VEPH1: variants seen among roughly 807,000 people sequenced by gnomAD.
VEPH1 encodes ventricular zone expressed PH domain containing 1, also known as ventricular zone-expressed PH domain-containing protein homolog 1.
A neutral mutation model predicts 85.2 loss-of-function variants in VEPH1; 80 were observed. That is an observed-to-expected ratio of 0.94 (90% CI 0.78 to 1.13). The LOEUF (loss-of-function observed/expected upper bound fraction) is 1.13. VEPH1 is among the 50% of genes most tolerant of loss of function. VEPH1 has a pLI of 0.00. For synonymous variants in VEPH1, 297 were observed against 348.0 expected, an observed-to-expected ratio of 0.85 and a Z score of 1.63; for missense variants, 955 against 980.5, an observed-to-expected ratio of 0.97 and a Z score of 0.35.
At chr3:157,395,260 G>T (rs1730254773) in intron 6 of VEPH1, among the ~76,000 whole-genome samples, 1 of 152,190 alleles carries the variant, frequency 6.6e-6, no homozygotes, top group African/African-American at 2.4e-5. Flanking sequence ...GAATATTCCA[G>T]TAAGAACAAA....
chr3:157,360,178 G>A (rs369554044), intron 9 of VEPH1, among the ~76,000 whole-genome samples: 4 of 152,132 alleles, frequency 2.6e-5, no homozygotes, highest in African/African-American at 7.2e-5. Context: ...ATGACTGCTG[G>A]TGTGTCACTG....
rs1480123199 is a variant in VEPH1, at chr3:157,286,665, G to A, written c.2020C>T (p.Gln674Ter). 6.2e-7 allele frequency: 1 copy of A among 1,613,854 alleles called. No homozygotes were observed. The highest frequency in any genetic ancestry group is 1.1e-5 in the South Asian group (1 of 91,070). Residue 674 changes from glutamine to a stop codon, truncating the protein, a stop_gained, in exon 12 of 14, where the codon CAG becomes TAG. Transcript: ENST00000362010. LOFTEE classifies it high-confidence loss of function. ...ACTTCTTCCAGATGGAGCTGTACCT[G>A]GTCCAGATCCTGTGTCAGGAACACA... ...STFPQQKDLD[Q>*]VQLHLEEVRF...
chr3:157,357,995 G>A (rs1400554525), intron 9 of VEPH1, among the ~76,000 whole-genome samples: 1 of 152,186 alleles, frequency 6.6e-6, no homozygotes, highest in Non-Finnish European at 1.5e-5. Context: ...ACACGCCCGA[G>A]TCTTGCACCT....
chr3:157,340,604 C>T (rs1267027090), intron 9 of VEPH1, among the ~76,000 whole-genome samples: 1 of 152,170 alleles, frequency 6.6e-6, no homozygotes, highest in Non-Finnish European at 1.5e-5. Context: ...GGAGGCAGGG[C>T]ATAGCTGAAC....
intron 11 of VEPH1, among the ~76,000 whole-genome samples, chr3:157,290,497 G>T (rs1375824297): frequency 2.0e-5 from 3 of 152,140 alleles, no homozygotes; most frequent in Non-Finnish European, 4.4e-5. Flanking sequence ...AGATTGTGCC[G>T]TGAAGAGGAA....
chr3:157,290,240 C>A (rs574056518), intron 11 of VEPH1, among the ~76,000 whole-genome samples: 1 of 152,240 alleles, frequency 6.6e-6, no homozygotes, highest in East Asian at 1.9e-4. Context: ...AGTCCTACAA[C>A]TGCAAAAAAA....
At chr3:157,277,754 A>C (rs908159422) in intron 12 of VEPH1, among the ~76,000 whole-genome samples, 6 of 152,208 alleles carry the variant, frequency 3.9e-5, no homozygotes, top group African/African-American at 1.4e-4. Flanking sequence ...CATATATATG[A>C]ATATATCACA....
intron 1 of VEPH1, among the ~76,000 whole-genome samples, chr3:157,496,742 T>G (rs572742534): frequency 6.7e-4 from 102 of 152,322 alleles, no homozygotes; most frequent in African/African-American, 2.4e-3. Context: ...CACATACTCT[T>G]CAAACACCAT....
intron 9 of VEPH1, 173 bp downstream of exon 9, chr3:157,363,191 C>A (rs1726237985): frequency 1.8e-6 from 1 of 560,984 alleles, no homozygotes. Context: ...AGATGATCAA[C>A]CTTTTCTTGG....
chr3:157,414,174 A>G, intron 5 of VEPH1, 84 bp from the exon 6 acceptor site: 1 of 1,141,810 alleles, frequency 8.8e-7, no homozygotes, highest in Admixed American at 2.2e-5. Context: ...TTGAAAGCAA[A>G]CTTTTTTTGC....
chr3:157,318,015 G>T (rs1382603264), intron 9 of VEPH1, among the ~76,000 whole-genome samples: 1 of 152,168 alleles, frequency 6.6e-6, no homozygotes, highest in Non-Finnish European at 1.5e-5. Flanking sequence ...AGCCAGTCTA[G>T]TGAACCACTG....
At chr3:157,466,510 C>T (rs1287496596) in intron 3 of VEPH1, among the ~76,000 whole-genome samples, 1 of 152,196 alleles carries the variant, frequency 6.6e-6, no homozygotes, top group Non-Finnish European at 1.5e-5. Flanking sequence ...TGAGTACTTA[C>T]TATTTAGCAA....
chr3:157,428,768 T>A (rs886123715), intron 4 of VEPH1, among the ~76,000 whole-genome samples: 18 of 152,260 alleles, frequency 1.2e-4, no homozygotes, highest in African/African-American at 3.9e-4. Flanking sequence ...TTGACAGTAA[T>A]CAGACCACAC....
At chr3:157,425,359 G>A (rs1732681931) in intron 5 of VEPH1, among the ~76,000 whole-genome samples, 1 of 152,182 alleles carries the variant, frequency 6.6e-6, no homozygotes, top group Non-Finnish European at 1.5e-5. Context: ...TGGGGTCAGA[G>A]CCTCCACACA....
At chr3:157,459,312 G>T (rs1317230319) in intron 4 of VEPH1, among the ~76,000 whole-genome samples, 1 of 152,188 alleles carries the variant, frequency 6.6e-6, no homozygotes, top group Non-Finnish European at 1.5e-5. Flanking sequence ...CAAAATAGCA[G>T]TATGGGCTTG....
chr3:157,497,369 C>T (rs1459884151), intron 1 of VEPH1, among the ~76,000 whole-genome samples: 2 of 152,222 alleles, frequency 1.3e-5, no homozygotes, highest in African/African-American at 4.8e-5. Context: ...GAGTGGTAAG[C>T]TTTCAGAGGG....
At chr3:157,345,122 G>A (rs538856023) in intron 9 of VEPH1, among the ~76,000 whole-genome samples, 15 of 152,264 alleles carry the variant, frequency 9.9e-5, no homozygotes, top group African/African-American at 2.9e-4. Flanking sequence ...CAGGGGCAAC[G>A]CCTTCATGTC....
chr3:157,299,004 T>G (rs1455970266), intron 11 of VEPH1, among the ~76,000 whole-genome samples: 1 of 152,166 alleles, frequency 6.6e-6, no homozygotes, highest in Non-Finnish European at 1.5e-5. Context: ...AACCAGAATT[T>G]ATATTTTGAA....
chr3:157,493,363 T>G (rs1739392716), intron 2 of VEPH1: 2 of 432,440 alleles, frequency 4.6e-6, no homozygotes, highest in Admixed American at 2.5e-5. Flanking sequence ...TAGAGAGGAA[T>G]AGCTGGGGCT....
Sources: allele counts gnomAD v4.1 joint callset (sites outside exome capture counted in the v4.1 genomes callset), GRCh38; gene constraint gnomAD v4.1.1; transcripts MANE v1.5; gene names NCBI Gene and HGNC (gene_info 2026-07-23, HGNC 2026-07-21).